RRAS2: variants seen among roughly 807,000 people sequenced by gnomAD.
RRAS2 encodes the protein ras-related protein R-Ras2.
RRAS2 carries 7 observed loss-of-function variants against 27.6 expected under a neutral mutation model. The ratio of observed to expected loss-of-function variants is 0.25; its 90% confidence interval spans 0.14 to 0.48. The LOEUF (loss-of-function observed/expected upper bound fraction) is 0.48. Ranked by LOEUF, RRAS2 falls within the 20% of genes least tolerant of loss-of-function variation. The pLI is 0.99. For synonymous variants in RRAS2, 86 were observed against 90.9 expected (o/e 0.95, Z 0.31); for missense variants, 178 against 256.2 (o/e 0.69, Z 2.08).
At chr11:14,310,849 T>C (rs1847947463) in intron 1 of RRAS2, among the ~76,000 whole-genome samples, 1 of 152,210 alleles carries the variant, frequency 6.6e-6, no homozygotes, top group Non-Finnish European at 1.5e-5. Context: ...AGTGTTCTAA[T>C]TGTAACCTAT....
chr11:14,328,582 C>A (rs907103708), intron 1 of RRAS2, among the ~76,000 whole-genome samples: 11 of 151,576 alleles, frequency 7.3e-5, no homozygotes, highest in Non-Finnish European at 1.3e-4. Context: ...AGAAGAAAAA[C>A]AGCTATAGTA....
rs553651079 is a variant in RRAS2, at chr11:14,279,807, A to G, written c.528-383T>C. On this transcript the variant is annotated intron_variant, in intron 5 of 5. Coordinates refer to ENST00000256196, the MANE Select transcript of RRAS2 (RefSeq NM_012250.6). Reference sequence around the variant, plus strand: ...CTTATCTGTGTTCTGCCATTTTTTAAATTCAGTATTAGACAAAGTTAGTTG... The same window carrying G: ...CTTATCTGTGTTCTGCCATTTTTTAGATTCAGTATTAGACAAAGTTAGTTG... Among the ~76,000 whole-genome samples, 19 of 152,302 alleles carry G rather than the reference A, an allele frequency of 1.2e-4. No homozygotes were observed. The South Asian group carries it at 3.9e-3, about 32-fold the overall frequency.
intron 1 of RRAS2, among the ~76,000 whole-genome samples, chr11:14,330,247 G>C (rs1050539325): frequency 6.6e-6 from 1 of 152,150 alleles, no homozygotes; most frequent in Non-Finnish European, 1.5e-5. Context: ...AAAATACAAG[G>C]ATCTATTCAT....
In RRAS2 at chr11:14,358,049, G is replaced by A. The variant is rs181155856; in HGVS notation, c.108+714C>T. Among the ~76,000 whole-genome samples, 150 of 152,196 alleles carry A rather than the reference G, an allele frequency of 9.9e-4. No individual in the cohort carries two copies. The highest frequency in any genetic ancestry group is 1.9e-3 in the Non-Finnish European group (128 of 68,004). ...CACGACTCGGTCATATCCTAGCCCG[G>A]CCCATCCCAAACTTCACCTAGGCAC... On this transcript the variant is annotated intron_variant, in intron 1 of 5. Transcript: ENST00000256196. This position sits in a 1 kb window ranked among gnomAD's most constrained non-coding sequence, Gnocchi z 5.1.
chr11:14,299,650 T>G (rs1233108692), intron 1 of RRAS2, among the ~76,000 whole-genome samples: 1 of 152,208 alleles, frequency 6.6e-6, no homozygotes, highest in Non-Finnish European at 1.5e-5. Context: ...TTTCACTCAC[T>G]CATTTGTTCA....
chr11:14,298,885 C>T (rs1278247612), intron 1 of RRAS2, among the ~76,000 whole-genome samples: 1 of 152,174 alleles, frequency 6.6e-6, no homozygotes, highest in Admixed American at 6.5e-5. Flanking sequence ...TCACCTCTCA[C>T]CAAAAAGGCA....
At chr11:14,334,967 A>T (rs1554952400) in intron 1 of RRAS2, among the ~76,000 whole-genome samples, 1 of 152,040 alleles carries the variant, frequency 6.6e-6, no homozygotes, top group African/African-American at 2.4e-5. Flanking sequence ...TTGACTGCCC[A>T]TCCAGCGGTC....
chr11:14,334,531 T>TACACACAC (rs145228825), intron 1 of RRAS2, among the ~76,000 whole-genome samples: 13 of 143,782 alleles, frequency 9.0e-5, no homozygotes, highest in East Asian at 2.0e-4. Flanking sequence ...CATCCATACA[T>TACACACAC]ACACACACAC....
intron 1 of RRAS2, among the ~76,000 whole-genome samples, chr11:14,352,763 AG>A (rs1848987045): frequency 6.7e-6 from 1 of 149,126 alleles, no homozygotes; most frequent in African/African-American, 2.5e-5. Flanking sequence ...ATATAGAGAG[AG>A]AGAGAGAGAG....
intron 1 of RRAS2, among the ~76,000 whole-genome samples, chr11:14,301,524 C>T (rs1207395916): frequency 6.6e-6 from 1 of 152,072 alleles, no homozygotes; most frequent in Non-Finnish European, 1.5e-5. Context: ...CTTCCCCGAC[C>T]GAACTAGAAA....
chr11:14,289,755 C>T (rs145045707), intron 4 of RRAS2, among the ~76,000 whole-genome samples: 7 of 152,228 alleles, frequency 4.6e-5, no homozygotes, highest in Admixed American at 2.0e-4. Flanking sequence ...GATACAGAGG[C>T]CATAAGCAAG....
rs1392286283 is a variant in RRAS2 at position 14,295,699 on chromosome 11, CAAA to C, written c.196+66_196+68del. The C allele has an allele frequency of 5.9e-6, 7 of 1,176,838 alleles. No homozygotes were observed. In the African/African-American group the frequency reaches 1.1e-4, roughly 18 times the overall value. The allele number at this position is 1,176,838 out of a possible 1,614,324, so 72.9% of individuals were successfully genotyped here. A position where few individuals can be genotyped will look rare whatever the true frequency, so the allele number is the denominator to read the frequency against. On this transcript the variant is annotated intron_variant, in intron 2 of 5. Coordinates refer to ENST00000256196, the MANE Select transcript of RRAS2 (RefSeq NM_012250.6). The stretch of plus-strand genomic sequence containing the variant: ...ATTTCAAATATATTATTTAACATAG[CAAA>C]ACATCAGCGCTTACTTTTTTAAAAA...
intron 4 of RRAS2, among the ~76,000 whole-genome samples, chr11:14,286,866 G>A (rs76889310): frequency 0.014 from 2,192 of 152,326 alleles, 49 homozygotes; most frequent in African/African-American, 0.05. Context: ...TAACGATAAG[G>A]AAGGAAGCCG....
At chr11:14,339,364 C>T (rs1314491525) in intron 1 of RRAS2, among the ~76,000 whole-genome samples, 1 of 143,794 alleles carries the variant, frequency 7.0e-6, no homozygotes. Flanking sequence ...TTTGTTTTTG[C>T]TTTCTTCAGC....
At chr11:14,359,532 A>G (rs2134049816), upstream of RRAS2, among the ~76,000 whole-genome samples, 1 of 152,380 alleles carries the variant, frequency 6.6e-6, no homozygotes, top group East Asian at 1.9e-4. Flanking sequence ...GATGGTGACC[A>G]TATTTGTGTG....
chr11:14,360,891 C>A (rs571758342), upstream of RRAS2, among the ~76,000 whole-genome samples: 1 of 149,280 alleles, frequency 6.7e-6, no homozygotes, highest in Non-Finnish European at 1.5e-5. Flanking sequence ...ACTGCACCCA[C>A]GCCTGGGCGA....
intron 1 of RRAS2, among the ~76,000 whole-genome samples, chr11:14,339,259 C>A (rs1848648898): frequency 9.1e-6 from 1 of 109,454 alleles, no homozygotes; most frequent in Admixed American, 1.4e-4. Flanking sequence ...CTGGGCAACA[C>A]AATGAGACTG....
rs1163142938 is a variant in RRAS2 at position 14,278,514 on chromosome 11, A to G, written c.*823T>C. 2.6e-5 allele frequency: 4 copies of G among 152,260 alleles called. No individual in the cohort carries two copies. Among genetic ancestry groups the G allele is most frequent in the Non-Finnish European group, 5.9e-5 (4 of 68,036 alleles). 9.4% of individuals were successfully genotyped at this position (152,260 alleles called of 1,614,324 possible). A position where few individuals can be genotyped will look rare whatever the true frequency, so the allele number is the denominator to read the frequency against. On this transcript the variant is annotated 3_prime_UTR_variant, in exon 6 of 6. Coordinates refer to ENST00000256196, the MANE Select transcript of RRAS2 (RefSeq NM_012250.6). Reference sequence around the variant, plus strand: ...ATTAATCATCTCTGACCCTGGAAAGATCAATTCCATATTTTATATTACAAA... The same window carrying G: ...ATTAATCATCTCTGACCCTGGAAAGGTCAATTCCATATTTTATATTACAAA...
chr11:14,324,708 T>C (rs1554950775), intron 1 of RRAS2, among the ~76,000 whole-genome samples: 1 of 152,170 alleles, frequency 6.6e-6, no homozygotes, highest in Non-Finnish European at 1.5e-5. Flanking sequence ...TTGTCTCCAA[T>C]ATATGTGCTG....
Sources: allele counts gnomAD v4.1 joint callset (sites outside exome capture counted in the v4.1 genomes callset), GRCh38; gene constraint gnomAD v4.1.1; non-coding constraint Gnocchi (gnomAD v3.1); transcripts MANE v1.5; gene names NCBI Gene and HGNC (gene_info 2026-07-23, HGNC 2026-07-21).